CADM2: variants seen among roughly 807,000 people sequenced by gnomAD.
CADM2 encodes immunoglobulin superfamily member 4D.
CADM2 carries 12 observed loss-of-function variants against 49.8 expected under a neutral mutation model. The observed-to-expected ratio is 0.24, with a 90% CI of 0.15 to 0.39. The LOEUF (loss-of-function observed/expected upper bound fraction) is 0.39. Ranked by LOEUF, CADM2 falls within the 10% of genes least tolerant of loss-of-function variation. The pLI is 1.00. For missense variants in CADM2, 378 were observed against 492.3 expected (o/e 0.77, Z 2.20); for synonymous variants, 214 against 175.4 (o/e 1.22, Z -1.74).
chr3:85,084,015 A>T (rs2037277221), intron 1 of CADM2, among the ~76,000 whole-genome samples: 3 of 152,162 alleles, frequency 2.0e-5, no homozygotes, highest in African/African-American at 7.2e-5. Flanking sequence ...GTACCCAATT[A>T]TTATATGCCC....
intron 1 of CADM2, among the ~76,000 whole-genome samples, chr3:85,159,459 A>G (rs966205480): frequency 6.6e-6 from 1 of 152,128 alleles, no homozygotes; most frequent in South Asian, 2.1e-4. Flanking sequence ...AGGATGTGGA[A>G]ACTGTATAAT....
At chr3:85,464,538 C>T (rs2038401332) in intron 1 of CADM2, among the ~76,000 whole-genome samples, 1 of 152,128 alleles carries the variant, frequency 6.6e-6, no homozygotes, top group South Asian at 2.1e-4. Flanking sequence ...TTGTACTTAA[C>T]TTTAAGGTGA....
intron 1 of CADM2, among the ~76,000 whole-genome samples, chr3:85,637,640 T>TAAAATA: frequency 1.3e-5 from 1 of 74,562 alleles, no homozygotes; most frequent in Non-Finnish European, 2.9e-5. Context: ...ATAAAATAAA[T>TAAAATA]AAATAAATAA....
intron 1 of CADM2, among the ~76,000 whole-genome samples, chr3:85,325,901 C>A (rs535781921): frequency 6.6e-6 from 1 of 152,092 alleles, no homozygotes; most frequent in African/African-American, 2.4e-5. Context: ...CAGGGACTCT[C>A]CTCAAGCGAC....
chr3:85,850,949 G>A (rs1364599643), intron 3 of CADM2, among the ~76,000 whole-genome samples: 2 of 152,058 alleles, frequency 1.3e-5, no homozygotes, highest in East Asian at 1.9e-4. Flanking sequence ...GTAGCAATGG[G>A]AGGGACATTC....
intron 7 of CADM2, among the ~76,000 whole-genome samples, chr3:85,946,509 C>G (rs1722718584): frequency 6.6e-6 from 1 of 152,150 alleles, no homozygotes; most frequent in South Asian, 2.1e-4. Flanking sequence ...CATCATGCTA[C>G]TTGACTTCAA....
At chr3:85,775,082 A>C (rs2070294133) in intron 2 of CADM2, among the ~76,000 whole-genome samples, 1 of 151,762 alleles carries the variant, frequency 6.6e-6, no homozygotes, top group East Asian at 1.9e-4. Context: ...GATTTTCATA[A>C]ACCTACATCA....
rs2072913555 is a variant in CADM2 at position 85,812,003 on chromosome 3, AG to A, written c.238+9808del. On this transcript the variant is annotated intron_variant, in intron 3 of 9. Coordinates refer to ENST00000383699, the MANE Select transcript of CADM2 (RefSeq NM_001167675.2). The stretch of plus-strand genomic sequence containing the variant: ...TGAAAGATTTCCAAGTCACAATTTC[AG>A]TTCAACTGTATGGATATCTATAAAA... 2.6e-5 allele frequency among the ~76,000 whole-genome samples: 4 copies of A among 152,050 alleles called. No individual in the cohort carries two copies. In the South Asian group the frequency reaches 8.3e-4, roughly 32 times the overall value.
intron 1 of CADM2, among the ~76,000 whole-genome samples, chr3:85,422,370 C>T (rs758908034): frequency 8.5e-5 from 13 of 152,178 alleles, no homozygotes; most frequent in Middle Eastern, 3.4e-3. Flanking sequence ...CTCCACTTCC[C>T]GGGTTCGCAC....
chr3:85,652,007 C>T (rs987630424), intron 1 of CADM2, among the ~76,000 whole-genome samples: 4 of 35,666 alleles, frequency 1.1e-4, no homozygotes, highest in African/African-American at 3.7e-4. Flanking sequence ...TAATTAGAGA[C>T]GGGTTTTCAC....
At chr3:84,962,273 T>TAA (rs77816542) in intron 1 of CADM2, among the ~76,000 whole-genome samples, 3 of 140,308 alleles carry the variant, frequency 2.1e-5, no homozygotes, top group Non-Finnish European at 1.6e-5. Flanking sequence ...TACGAGGATT[T>TAA]AAAAAAAAAA....
intron 1 of CADM2, among the ~76,000 whole-genome samples, chr3:85,051,157 C>T (rs1004572985): frequency 1.3e-5 from 2 of 152,136 alleles, no homozygotes; most frequent in Non-Finnish European, 2.9e-5. Context: ...TGTAGAAGTC[C>T]TTCTAGGTAT....
intron 1 of CADM2, among the ~76,000 whole-genome samples, chr3:85,066,154 A>AG (rs1440430785): frequency 6.6e-6 from 1 of 152,176 alleles, no homozygotes; most frequent in Non-Finnish European, 1.5e-5. Context: ...AAGTAAATTC[A>AG]GAAGAGGGTG....
chr3:85,197,538 G>A (rs955119906), intron 1 of CADM2, among the ~76,000 whole-genome samples: 14 of 151,804 alleles, frequency 9.2e-5, no homozygotes, highest in African/African-American at 3.1e-4. Context: ...AAGAAGTTAG[G>A]TTGCTTTTCT....
intron 1 of CADM2, among the ~76,000 whole-genome samples, chr3:85,623,193 C>T (rs1001178371): frequency 1.3e-5 from 2 of 152,102 alleles, no homozygotes; most frequent in African/African-American, 4.8e-5. Context: ...TCAGTGCACA[C>T]GTTAGCTACA....
At chr3:85,953,525 C>A (rs898392227) in intron 7 of CADM2, among the ~76,000 whole-genome samples, 7 of 150,890 alleles carry the variant, frequency 4.6e-5, no homozygotes, top group African/African-American at 1.7e-4. Context: ...TAATTAAACA[C>A]CGTAATCAAG....
At chr3:85,508,827 CTGTGTGTGTA>C (rs2040478458) in intron 1 of CADM2, among the ~76,000 whole-genome samples, 1 of 90,354 alleles carries the variant, frequency 1.1e-5, no homozygotes, top group Non-Finnish European at 2.3e-5. Flanking sequence ...AAGGATATCT[CTGTGTGTGTA>C]TGTGTGTGTG....
At chr3:85,014,208 A>T (rs994995219) in intron 1 of CADM2, among the ~76,000 whole-genome samples, 2 of 149,454 alleles carry the variant, frequency 1.3e-5, no homozygotes, top group African/African-American at 4.9e-5. Flanking sequence ...ACGCAGTGTA[A>T]TAATGTATAT....
intron 1 of CADM2, among the ~76,000 whole-genome samples, chr3:85,038,026 A>G (rs538105573): frequency 1.8e-4 from 28 of 152,308 alleles, no homozygotes; most frequent in Admixed American, 1.4e-3. Flanking sequence ...TGAGGAACAG[A>G]AAAAGTTTTT....
Sources: gnomAD v4.1 joint callset for allele counts (sites outside exome capture counted in the v4.1 genomes callset) on GRCh38, gnomAD v4.1.1 for gene constraint, MANE v1.5 for transcripts, NCBI Gene and HGNC (gene_info 2026-07-23, HGNC 2026-07-21) for gene names.